The following AGO2 variants were observed in gnomAD, a reference collection of about 807,000 sequenced individuals.
The protein encoded by AGO2 is protein argonaute-2.
Under a neutral mutation model 102.3 loss-of-function variants are expected in AGO2, and 5 were observed. That is an observed-to-expected ratio of 0.05 (90% CI 0.03 to 0.10). AGO2 has a LOEUF of 0.10. AGO2 is among the 10% of genes least tolerant of loss of function. The pLI, the probability that AGO2 is intolerant of heterozygous loss-of-function variation, is 1.00. For synonymous variants in AGO2, 449 were observed against 473.1 expected (o/e 0.95, Z 0.66); for missense variants, 541 against 1,183.7 (o/e 0.46, Z 7.97).
intron 2 of AGO2, among the ~76,000 whole-genome samples, chr8:140,577,124 C>T (rs897775111): frequency 3.4e-5 from 5 of 145,926 alleles, no homozygotes; most frequent in African/African-American, 5.0e-5. Flanking sequence ...ACGAGAATGG[C>T]GTGAACCCGG....
chr8:140,568,211 G>A (rs2073321359), intron 3 of AGO2, among the ~76,000 whole-genome samples: 1 of 151,270 alleles, frequency 6.6e-6, no homozygotes, highest in Non-Finnish European at 1.5e-5. Context: ...TTGAGCCTGG[G>A]AGGTGGAGGT....
chr8:140,594,232 G>A (rs933669211), intron 1 of AGO2, among the ~76,000 whole-genome samples: 1 of 152,096 alleles, frequency 6.6e-6, no homozygotes, highest in Non-Finnish European at 1.5e-5. Flanking sequence ...GGGGACAGGA[G>A]AGAAATAACT....
chr8:140,545,224 G>A (rs1486591875), intron 13 of AGO2, among the ~76,000 whole-genome samples: 3 of 152,120 alleles, frequency 2.0e-5, no homozygotes, highest in East Asian at 1.9e-4. Context: ...CACTGCTTGC[G>A]CTGGCTCCCA....
intron 1 of AGO2, among the ~76,000 whole-genome samples, chr8:140,619,823 C>T (rs1031635285): frequency 2.6e-5 from 4 of 152,218 alleles, no homozygotes; most frequent in Admixed American, 6.5e-5. Context: ...ATGGGGGAGG[C>T]GAGAAACCCT....
At chr8:140,563,921 G>A (rs2073241039) in intron 3 of AGO2, among the ~76,000 whole-genome samples, 2 of 152,302 alleles carry the variant, frequency 1.3e-5, no homozygotes, top group South Asian at 4.1e-4. Context: ...TGAACCTCAC[G>A]GAGCTACGAC....
intron 1 of AGO2, among the ~76,000 whole-genome samples, chr8:140,597,245 G>A (rs956810753): frequency 5.3e-5 from 8 of 152,174 alleles, no homozygotes; most frequent in African/African-American, 1.7e-4. Flanking sequence ...CAGGAAAACC[G>A]CCTCATTTAC....
rs2073716792 is a variant in AGO2, at chr8:140,589,601, A to T, written c.23-4290T>A. 6.6e-6 allele frequency among the ~76,000 whole-genome samples: 1 copy of T among 152,254 alleles called. No homozygotes were observed. The highest frequency in any genetic ancestry group is 6.5e-5 in the Admixed American group (1 of 15,292). On this transcript the variant is annotated intron_variant, in intron 1 of 18. Coordinates refer to ENST00000220592, the MANE Select transcript of AGO2 (RefSeq NM_012154.5). The surrounding 1 kb of genome is among the most constrained non-coding windows in gnomAD (Gnocchi z 4.2). ...AGCCATGCTTCCCGATGGTCCTCCTAGAACTCTGCATTCATTACACTGGGC... is the reference window on the plus strand; with the variant it reads ...AGCCATGCTTCCCGATGGTCCTCCTTGAACTCTGCATTCATTACACTGGGC...
chr8:140,597,864 C>T (rs144695040), intron 1 of AGO2, among the ~76,000 whole-genome samples: 108 of 152,342 alleles, frequency 7.1e-4, no homozygotes, highest in Admixed American at 2.0e-3. Context: ...GAAACGCACA[C>T]GCCTGTTCCA....
intron 1 of AGO2, among the ~76,000 whole-genome samples, chr8:140,623,435 T>A (rs531853743): frequency 6.6e-6 from 1 of 152,166 alleles, no homozygotes; most frequent in Non-Finnish European, 1.5e-5. Context: ...CCGATGTCAC[T>A]GCCACACGTC....
intron 1 of AGO2, among the ~76,000 whole-genome samples, chr8:140,617,957 G>A (rs1173342717): frequency 6.6e-6 from 1 of 151,524 alleles, no homozygotes; most frequent in Non-Finnish European, 1.5e-5. Flanking sequence ...GCTGTGAGCC[G>A]TGATTGCACC....
intron 1 of AGO2, among the ~76,000 whole-genome samples, chr8:140,634,378 C>T (rs1234175692): frequency 1.3e-5 from 2 of 152,362 alleles, no homozygotes; most frequent in Non-Finnish European, 1.5e-5. Context: ...CCTCCTCGCC[C>T]GGCCGGGTAA....
intron 1 of AGO2, among the ~76,000 whole-genome samples, chr8:140,615,135 C>T (rs150690696): frequency 7.9e-5 from 12 of 152,250 alleles, no homozygotes; most frequent in African/African-American, 2.6e-4. Context: ...TCTGTAATCC[C>T]GGCACTTTGG....
intron 1 of AGO2, among the ~76,000 whole-genome samples, chr8:140,604,579 C>T (rs6994448): frequency 0.047 from 7,175 of 152,186 alleles, 335 homozygotes; most frequent in African/African-American, 0.12. Context: ...GTCATTCCAG[C>T]ACTTTGTGAG....
chr8:140,536,324 C>T (rs1023343109), intron 16 of AGO2, among the ~76,000 whole-genome samples: 8 of 138,270 alleles, frequency 5.8e-5, no homozygotes, highest in African/African-American at 2.4e-4. Flanking sequence ...CCCTTCTTTG[C>T]AATTTTTTTT....
intron 1 of AGO2, among the ~76,000 whole-genome samples, chr8:140,607,627 C>CAGAGATA (rs2074021576): frequency 1.3e-5 from 2 of 151,828 alleles, no homozygotes; most frequent in Non-Finnish European, 2.9e-5. Flanking sequence ...GGGGCACTGG[C>CAGAGATA]ACCTGCTATG....
At position 140,549,253 on chromosome 8, in the gene AGO2, C is replaced by T; in HGVS notation, c.1449G>A (p.Met483Ile). 6.2e-7 allele frequency: 1 copy of T among 1,612,886 alleles called. No homozygotes were observed. Among genetic ancestry groups the T allele is most frequent in the Non-Finnish European group, 8.5e-7 (1 of 1,179,282 alleles). ...QLRKISRDAG[M>I]PIQGQPCFCK... Reference sequence around the variant, plus strand: ...AGAAGCACGGCTGGCCCTGGATGGGCATGCCGGCGTCTCTCGAGATCTTTC... The same window carrying T: ...AGAAGCACGGCTGGCCCTGGATGGGTATGCCGGCGTCTCTCGAGATCTTTC... Residue 483 changes from methionine to isoleucine, a missense_variant, in exon 12 of 19, where the codon ATG becomes ATA. Physicochemically the swap from Met to Ile is conservative, Grantham distance 10 (BLOSUM62 1). This residue lies in a region of AGO2 where 309 missense variants were observed against 735.1 expected (regional missense o/e 0.42). Coordinates refer to ENST00000220592, the MANE Select transcript of AGO2 (RefSeq NM_012154.5).
At chr8:140,578,140 G>A (rs1353635169) in intron 2 of AGO2, among the ~76,000 whole-genome samples, 1 of 152,216 alleles carries the variant, frequency 6.6e-6, no homozygotes, top group East Asian at 1.9e-4. Flanking sequence ...GGTGAGGAGG[G>A]GCCGATCTTG....
the AGO2 span, among the ~76,000 whole-genome samples, chr8:140,640,817 C>T: frequency 2.0e-5 from 3 of 152,110 alleles, no homozygotes; most frequent in African/African-American, 7.2e-5. Flanking sequence ...CCACGCCTGG[C>T]CCAGCTGGTG....
intron 2 of AGO2, among the ~76,000 whole-genome samples, chr8:140,580,103 C>T (rs1033124571): frequency 6.6e-6 from 1 of 152,200 alleles, no homozygotes; most frequent in African/African-American, 2.4e-5. Flanking sequence ...TGGGCCTTGC[C>T]CCCATTCTTT....
Sources: gnomAD v4.1 joint callset for allele counts (sites outside exome capture counted in the v4.1 genomes callset) on GRCh38, gnomAD v4.1.1 for gene constraint, gnomAD v4.1.1 regional missense constraint, Gnocchi (gnomAD v3.1) non-coding constraint, MANE v1.5 for transcripts, NCBI Gene and HGNC (gene_info 2026-07-23, HGNC 2026-07-21) for gene names.